CFAP54: variants seen among roughly 807,000 people sequenced by gnomAD.
CFAP54 encodes the protein cilia- and flagella-associated protein 54.
In CFAP54, 290 loss-of-function variants were observed where a neutral mutation model predicts 370.4. The ratio of observed to expected loss-of-function variants is 0.78; its 90% CI spans 0.71 to 0.86. The LOEUF (loss-of-function observed/expected upper bound fraction) is 0.86. Among genes scored for constraint, CFAP54 ranks in the 40% least tolerant of loss-of-function variants. CFAP54 has a pLI of 0.00. For synonymous variants in CFAP54, 1,206 were observed against 1,236.5 expected, an observed-to-expected ratio of 0.98 and a Z score of 0.52; for missense variants, 3,399 against 3,528.7, an observed-to-expected ratio of 0.96 and a Z score of 0.93.
At position 96,792,338 on chromosome 12, in the gene CFAP54, G is replaced by A. The variant is rs186431243; in HGVS notation, c.8689G>A (p.Asp2897Asn). 3.2e-4 allele frequency: 491 copies of A among 1,517,220 alleles called. 1 individual carries two copies. In the African/African-American group the frequency reaches 5.6e-3, roughly 17 times the overall value. 94.0% of individuals were successfully genotyped at this position (1,517,220 alleles called of 1,614,324 possible). Reference protein sequence around the residue: ...LRESSAKLYRDSSVQSILSFK... With the variant: ...LRESSAKLYRNSSVQSILSFK... The stretch of plus-strand genomic sequence containing the variant: ...TTTGTTTGTTCCCTAGTTGTATCGC[G>A]ATAGTTCTGTACAATCCATTTTATC... The change falls in exon 63 of 68, where the codon GAT (aspartate) becomes AAT (asparagine). Residue 2897 changes from aspartate to asparagine, a missense_variant. By Grantham distance (23) the Asp-to-Asn change is conservative. This residue lies in a region of CFAP54 where 2,796 missense variants were observed against 2,869.7 expected (regional missense o/e 0.97). Transcript: ENST00000524981.
chr12:96,554,573 G>T, intron 16 of CFAP54, 103 bp from the exon 17 acceptor site: 4 of 1,234,368 alleles, frequency 3.2e-6, no homozygotes, highest in Middle Eastern at 2.0e-4. Context: ...GAATGTAATG[G>T]TTACAAATAA....
Position 96,695,084 on chromosome 12 carries a change from A to G in CFAP54, c.6351+1276A>G, listed in dbSNP as rs114138445. The stretch of plus-strand genomic sequence containing the variant: ...AAAAGTTTCATTTGTGGCATTTTCA[A>G]TCTCCATCCATGGTGTGAATACTCC... On this transcript the variant is annotated intron_variant, in intron 45 of 67. Coordinates refer to ENST00000524981, the MANE Select transcript of CFAP54 (RefSeq NM_001306084.2). 3.0e-3 allele frequency among the ~76,000 whole-genome samples: 464 copies of G among 152,328 alleles called. 2 individuals are homozygous for G. The highest frequency in any genetic ancestry group is 0.011 in the African/African-American group (449 of 41,594).
intron 26 of CFAP54, among the ~76,000 whole-genome samples, chr12:96,615,577 C>T (rs1309836352): frequency 2.6e-5 from 4 of 152,270 alleles, no homozygotes; most frequent in Non-Finnish European, 4.4e-5. Flanking sequence ...GAACAGGCAA[C>T]CTACAGAATG....
intron 32 of CFAP54, among the ~76,000 whole-genome samples, chr12:96,639,665 A>T (rs1242553553): frequency 6.6e-6 from 1 of 152,242 alleles, no homozygotes; most frequent in African/African-American, 2.4e-5. Context: ...ATGAACATCG[A>T]TGCAAAAATC....
chr12:96,761,325 A>G (rs1472219722), intron 58 of CFAP54, among the ~76,000 whole-genome samples: 1 of 151,892 alleles, frequency 6.6e-6, no homozygotes, highest in Non-Finnish European at 1.5e-5. Context: ...GTCTTTTTTT[A>G]TCATTAGCTT....
intron 66 of CFAP54, among the ~76,000 whole-genome samples, chr12:96,857,544 G>A (rs1383475640): frequency 6.6e-6 from 1 of 152,084 alleles, no homozygotes; most frequent in East Asian, 1.9e-4. Context: ...TGTCATTGAT[G>A]GGCATTTAGG....
At chr12:96,620,760 G>C (rs184162222) in intron 26 of CFAP54, among the ~76,000 whole-genome samples, 116 of 152,340 alleles carry the variant, frequency 7.6e-4, no homozygotes, top group Non-Finnish European at 1.5e-3. Context: ...GGCCAGGGCA[G>C]CTTTTCTGAA....
intron 14 of CFAP54, among the ~76,000 whole-genome samples, chr12:96,541,341 A>G (rs996246797): frequency 2.1e-5 from 3 of 140,680 alleles, no homozygotes; most frequent in African/African-American, 8.1e-5. Context: ...GCTGGAGTGC[A>G]GTGGCACAAT....
chr12:96,734,334 C>T (rs1386432070), intron 50 of CFAP54, among the ~76,000 whole-genome samples: 1 of 152,134 alleles, frequency 6.6e-6, no homozygotes, highest in African/African-American at 2.4e-5. Context: ...CTCCTATTTG[C>T]TAAGCACACT....
At chr12:96,838,059 A>C (rs1252949693) in intron 66 of CFAP54, among the ~76,000 whole-genome samples, 1 of 152,194 alleles carries the variant, frequency 6.6e-6, no homozygotes, top group Non-Finnish European at 1.5e-5. Context: ...ACAAATTTTA[A>C]TTGCTTTGGA....
At chr12:96,624,997 A>G (rs1319490971) in intron 28 of CFAP54, among the ~76,000 whole-genome samples, 1 of 152,190 alleles carries the variant, frequency 6.6e-6, no homozygotes, top group Non-Finnish European at 1.5e-5. Context: ...AAAATATTTT[A>G]CCAAGAAGCA....
In CFAP54 at chr12:96,753,885, C is replaced by T; in HGVS notation, c.7827C>T (p.Ile2609=). ...AVEEHEVEAE[I]LFQKGKIERQ... ...AGGAACATGAGGTGGAAGCTGAAAT[C>T]CTTTTTCAGAAAGGTAAAATGCATC... Residue 2609 remains isoleucine, a synonymous_variant, in exon 56 of 68, where the codon ATC becomes ATT. Coordinates refer to ENST00000524981, the MANE Select transcript of CFAP54 (RefSeq NM_001306084.2). 1 of 1,613,486 alleles carries T rather than the reference C, an allele frequency of 6.2e-7. No individual in the cohort carries two copies.
At chr12:96,874,950 GATGTGGC>G (rs978448599) in intron 67 of CFAP54, among the ~76,000 whole-genome samples, 161 bp from the exon 68 acceptor site, 55 of 152,206 alleles carry the variant, frequency 3.6e-4, no homozygotes, top group South Asian at 4.1e-4. Flanking sequence ...TTGGTTTGAT[GATGTGGC>G]ATTCAGCGTT....
chr12:96,575,144 T>C (rs1329488766), intron 19 of CFAP54, among the ~76,000 whole-genome samples: 1 of 152,152 alleles, frequency 6.6e-6, no homozygotes, highest in African/African-American at 2.4e-5. Context: ...TCTTTTCATG[T>C]GCTTATTGGC....
At chr12:96,646,556 G>T (rs1592904996) in intron 33 of CFAP54, 1 of 152,168 alleles carries the variant, frequency 6.6e-6, no homozygotes, top group Non-Finnish European at 1.5e-5. Flanking sequence ...ATTCCTCAGG[G>T]ATCTAGAACT....
chr12:96,861,169 G>A (rs1397304893), intron 67 of CFAP54, among the ~76,000 whole-genome samples: 1 of 152,180 alleles, frequency 6.6e-6, no homozygotes, highest in Non-Finnish European at 1.5e-5. Context: ...TAGAAAACAA[G>A]TTTATGTGCA....
intron 27 of CFAP54, among the ~76,000 whole-genome samples, chr12:96,623,199 T>TG (rs1956518662): frequency 6.6e-6 from 1 of 151,652 alleles, no homozygotes; most frequent in South Asian, 2.1e-4. Flanking sequence ...AAGTTTTTTT[T>TG]TTTGAACAAG....
chr12:96,639,163 A>G (rs188428633), intron 32 of CFAP54, among the ~76,000 whole-genome samples: 1 of 152,324 alleles, frequency 6.6e-6, no homozygotes, highest in Non-Finnish European at 1.5e-5. Flanking sequence ...AAAGATCAAC[A>G]AAACTGATAG....
At chr12:96,550,872 A>G (rs1955686844) in intron 15 of CFAP54, among the ~76,000 whole-genome samples, 1 of 152,218 alleles carries the variant, frequency 6.6e-6, no homozygotes, top group African/African-American at 2.4e-5. Flanking sequence ...ATCCAGGGAC[A>G]AGAGATGAGG....
Sources: gnomAD v4.1 joint callset for allele counts (sites outside exome capture counted in the v4.1 genomes callset) on GRCh38, gnomAD v4.1.1 for gene constraint, gnomAD v4.1.1 regional missense constraint, MANE v1.5 for transcripts, NCBI Gene and HGNC (gene_info 2026-07-23, HGNC 2026-07-21) for gene names.